WDR19: variants seen among roughly 807,000 people sequenced by gnomAD.
WDR19 encodes the protein WD repeat-containing protein 19.
A neutral mutation model predicts 180.0 loss-of-function variants in WDR19; 121 were observed. That is an observed-to-expected ratio of 0.67 (90% CI 0.58 to 0.78). WDR19 has a LOEUF of 0.78. Among genes scored for constraint, WDR19 ranks in the 30% least tolerant of loss-of-function variants. WDR19 has a pLI of 0.00. For synonymous variants in WDR19, 497 were observed against 540.7 expected (o/e 0.92, Z 1.12); for missense variants, 1,450 against 1,640.7 (o/e 0.88, Z 2.01).
At chr4:39,187,655 C>T (rs1725712137) in intron 3 of WDR19, among the ~76,000 whole-genome samples, 1 of 152,026 alleles carries the variant, frequency 6.6e-6, no homozygotes, top group Admixed American at 6.6e-5. Context: ...TTCTGTATTC[C>T]TGGAAACAGA....
At chr4:39,212,871 A>G (rs1411948293) in intron 9 of WDR19, among the ~76,000 whole-genome samples, 1 of 152,228 alleles carries the variant, frequency 6.6e-6, no homozygotes, top group Non-Finnish European at 1.5e-5. Context: ...TAATACATTT[A>G]CTTATATAGT....
intron 14 of WDR19, among the ~76,000 whole-genome samples, chr4:39,221,662 C>G (rs1004505939): frequency 2.6e-5 from 4 of 152,176 alleles, no homozygotes; most frequent in African/African-American, 9.6e-5. Context: ...TCTCCTGCTC[C>G]TTTATGATTC....
intron 1 of WDR19, 21 bp downstream of exon 1, chr4:39,182,584 C>T (rs1725049820): frequency 6.2e-7 from 1 of 1,613,508 alleles, no homozygotes; most frequent in Non-Finnish European, 8.5e-7. Context: ...TACAAATTCC[C>T]GGGGTGGGGC....
At chr4:39,282,572 AT>A (rs1394709626) in intron 36 of WDR19, among the ~76,000 whole-genome samples, 1 of 151,718 alleles carries the variant, frequency 6.6e-6, no homozygotes, top group Non-Finnish European at 1.5e-5. Flanking sequence ...TAATTTTTGT[AT>A]TTTTATTAGA....
At chr4:39,269,837 G>T in intron 30 of WDR19, 139 bp from the exon 31 acceptor site, 2 of 1,126,904 alleles carry the variant, frequency 1.8e-6, no homozygotes, top group Non-Finnish European at 2.5e-6. Context: ...TAGGAAATCT[G>T]CTGAGTTGCT....
intron 36 of WDR19, among the ~76,000 whole-genome samples, chr4:39,283,005 G>C (rs966132661): frequency 6.6e-6 from 1 of 152,090 alleles, no homozygotes; most frequent in African/African-American, 2.4e-5. Flanking sequence ...ACACTGGCTA[G>C]GACCTCCTCT....
chr4:39,188,865 T>C (rs532690609), intron 3 of WDR19, among the ~76,000 whole-genome samples: 1 of 152,166 alleles, frequency 6.6e-6, no homozygotes, highest in South Asian at 2.1e-4. Flanking sequence ...ATCTTCCCAC[T>C]TCAGCCTCCT....
intron 7 of WDR19, 127 bp downstream of exon 7, chr4:39,203,849 G>C (rs1727623746): frequency 2.3e-6 from 2 of 886,520 alleles, no homozygotes; most frequent in East Asian, 5.3e-5. Context: ...TTTAAGCCAA[G>C]GTAGAGCTAG....
rs750540552 is a variant in WDR19, at chr4:39,245,415, C to T, written c.2692C>T (p.His898Tyr). Residue 898 changes from histidine to tyrosine, a missense_variant, in exon 24 of 37, where the codon CAT becomes TAT. Physicochemically the swap from His to Tyr is moderately conservative, Grantham distance 83. Coordinates refer to ENST00000399820, the MANE Select transcript of WDR19 (RefSeq NM_025132.4). Reference protein sequence around the residue: ...LLPHVSSPKIHLQYAKAKEAD... With the variant: ...LLPHVSSPKIYLQYAKAKEAD... The stretch of plus-strand genomic sequence containing the variant: ...GCCCCACGTTTCTTCTCCTAAGATC[C>T]ATTTGCAGTATGCCAAAGCCAAGGA... 1 of 1,613,752 alleles carries T rather than the reference C, an allele frequency of 6.2e-7. No homozygotes were observed. The highest frequency in any genetic ancestry group is 1.7e-5 in the Admixed American group (1 of 59,994).
intron 3 of WDR19, 106 bp downstream of exon 3, chr4:39,186,710 C>A: frequency 1.3e-6 from 1 of 753,346 alleles, no homozygotes; most frequent in South Asian, 2.3e-5. Context: ...TTGCTTCTTC[C>A]ATTTGCAAAG....
At chr4:39,221,079 A>C (rs1577914857) in intron 14 of WDR19, among the ~76,000 whole-genome samples, 2 of 151,846 alleles carry the variant, frequency 1.3e-5, no homozygotes, top group East Asian at 3.9e-4. Context: ...CATCTGAGAG[A>C]CTTTTTAAAA....
chr4:39,254,831 C>T (rs1008014303), intron 26 of WDR19, among the ~76,000 whole-genome samples: 1 of 152,090 alleles, frequency 6.6e-6, no homozygotes, highest in Non-Finnish European at 1.5e-5. Flanking sequence ...CTTTCTGTAT[C>T]TGTGAATTTG....
intron 24 of WDR19, among the ~76,000 whole-genome samples, chr4:39,246,779 A>C (rs1732570644): frequency 6.6e-6 from 1 of 152,152 alleles, no homozygotes; most frequent in African/African-American, 2.4e-5. Flanking sequence ...CTGAGATCAA[A>C]CTGCAAGGCA....
intron 5 of WDR19, among the ~76,000 whole-genome samples, chr4:39,198,312 A>C (rs1451229056): frequency 6.6e-6 from 1 of 152,134 alleles, no homozygotes; most frequent in African/African-American, 2.4e-5. Flanking sequence ...TAATCCCAGC[A>C]CTTTGGGAGG....
At chr4:39,185,533 G>A (rs2109739952) in intron 1 of WDR19, among the ~76,000 whole-genome samples, 193 bp from the exon 2 acceptor site, 1 of 152,218 alleles carries the variant, frequency 6.6e-6, no homozygotes, top group East Asian at 1.9e-4. Context: ...TTACCAAGTA[G>A]TTGTGTATGT....
chr4:39,276,739 G>T (rs191857658), intron 33 of WDR19, among the ~76,000 whole-genome samples: 3 of 152,142 alleles, frequency 2.0e-5, no homozygotes, highest in Non-Finnish European at 4.4e-5. Context: ...AGAGAAGACC[G>T]CAAGACCTAC....
At chr4:39,245,588 T>C in intron 24 of WDR19, 136 bp downstream of exon 24, 1 of 825,654 alleles carries the variant, frequency 1.2e-6, no homozygotes, top group Middle Eastern at 3.2e-4. Context: ...CTTGTTGGCC[T>C]GAAGTGCCAG....
chr4:39,270,375 G>T (rs12643415), intron 31 of WDR19, among the ~76,000 whole-genome samples: 1 of 151,876 alleles, frequency 6.6e-6, no homozygotes, highest in Admixed American at 6.6e-5. Context: ...ATAGTGTGTG[G>T]GTTGTTTTGT....
At chr4:39,199,438 A>G (rs1250996077) in intron 5 of WDR19, 40 bp from the exon 6 acceptor site, 2 of 1,516,224 alleles carry the variant, frequency 1.3e-6, no homozygotes, top group Non-Finnish European at 1.8e-6. Flanking sequence ...TTTTTCTTTG[A>G]GAAATCCACA....
Sources: gnomAD v4.1 joint callset for allele counts (sites outside exome capture counted in the v4.1 genomes callset) on GRCh38, gnomAD v4.1.1 for gene constraint, MANE v1.5 for transcripts, NCBI Gene and HGNC (gene_info 2026-07-23, HGNC 2026-07-21) for gene names.